The following ARHGAP26 variants were observed in gnomAD, a reference collection of about 807,000 sequenced individuals.
ARHGAP26 encodes Rho GTPase activating protein 26.
ARHGAP26 carries 38 observed loss-of-function variants against 104.8 expected under a neutral mutation model. That is an observed-to-expected ratio of 0.36 (90% CI 0.28 to 0.48). The LOEUF (loss-of-function observed/expected upper bound fraction) is 0.48, where lower values mean the gene tolerates loss of function less well. ARHGAP26 is among the 20% of genes least tolerant of loss of function. The probability of loss-of-function intolerance (pLI) is 0.99; values close to 1 mark genes in which losing one functional copy is unlikely to be tolerated. For synonymous variants in ARHGAP26, 341 were observed against 340.0 expected, an observed-to-expected ratio of 1.00 and a Z score of -0.03; for missense variants, 704 against 947.9, an observed-to-expected ratio of 0.74 and a Z score of 3.38.
rs1777046829 is a variant in ARHGAP26 at position 143,000,537 on chromosome 5, TTATAAATCA to T, written c.1108-13532_1108-13524del. Among the ~76,000 whole-genome samples the T allele has an allele frequency of 4.6e-5, 7 of 152,358 alleles. No individual in the cohort carries two copies. In the South Asian group the frequency reaches 1.4e-3, roughly 32 times the overall value. On this transcript the variant is annotated intron_variant, in intron 11 of 22. Transcript: ENST00000645722. ...CATTACTGGGTATATACCAAAAGGATTATAAATCATATAAATCATTCTATAAAGACACAT... is the reference window on the plus strand; with the variant it reads ...CATTACTGGGTATATACCAAAAGGATTATAAATCATTCTATAAAGACACAT...
At chr5:142,831,158 C>G (rs1295041298) in intron 1 of ARHGAP26, among the ~76,000 whole-genome samples, 1 of 152,192 alleles carries the variant, frequency 6.6e-6, no homozygotes, top group East Asian at 1.9e-4. Flanking sequence ...TTTGCTGTCT[C>G]CACCCTGTTG....
chr5:143,116,431 C>T (rs193185285), intron 17 of ARHGAP26, among the ~76,000 whole-genome samples: 2 of 152,268 alleles, frequency 1.3e-5, no homozygotes, highest in East Asian at 3.9e-4. Flanking sequence ...CTCTAGGCCT[C>T]AAGATGAAAC....
In ARHGAP26 at chr5:142,847,599, C is replaced by T. The variant is rs537416313; in HGVS notation, c.155-25801C>T. On this transcript the variant is annotated intron_variant, in intron 1 of 22. Coordinates refer to ENST00000645722, the MANE Select transcript of ARHGAP26 (RefSeq NM_001135608.3). ...CTCAAACTCCGGACCTCAGGTGATC[C>T]GCCCACCTCGGCCTCCCAAAGTGCT... Among the ~76,000 whole-genome samples the T allele has an allele frequency of 2.5e-4, 38 of 152,278 alleles. No individual in the cohort carries two copies. The East Asian group carries it at 5.2e-3, about 21-fold the overall frequency.
At chr5:142,869,915 A>G (rs1755026063) in intron 1 of ARHGAP26, among the ~76,000 whole-genome samples, 1 of 152,152 alleles carries the variant, frequency 6.6e-6, no homozygotes, top group Non-Finnish European at 1.5e-5. Context: ...CCAAACTTCT[A>G]GCTGCTTCCA....
intron 1 of ARHGAP26, among the ~76,000 whole-genome samples, chr5:142,837,509 A>G (rs1347739277): frequency 6.6e-6 from 1 of 152,130 alleles, no homozygotes; most frequent in Non-Finnish European, 1.5e-5. Flanking sequence ...CTTGGCGATG[A>G]TAAGAAGGCC....
At position 143,223,544 on chromosome 5, in the gene ARHGAP26, C is replaced by T. The variant is rs1811433881; in HGVS notation, c.*1098C>T. On this transcript the variant is annotated 3_prime_UTR_variant, in exon 23 of 23. Transcript: ENST00000645722. ...GTCCTCCCATTCACCCATCTCTGCT[C>T]CCACCCTTGCCTGCCTCTAACCCAC... 8.6e-6 allele frequency: 2 copies of T among 232,394 alleles called. No individual in the cohort carries two copies. Among genetic ancestry groups the T allele is most frequent in the East Asian group, 1.2e-4 (2 of 16,420 alleles). The allele number at this position is 232,394 out of a possible 1,614,324, so 14.4% of individuals were successfully genotyped here. A position where few individuals can be genotyped will look rare whatever the true frequency, so the allele number is the denominator to read the frequency against.
At chr5:142,815,519 T>C (rs1764933802) in intron 1 of ARHGAP26, among the ~76,000 whole-genome samples, 1 of 152,246 alleles carries the variant, frequency 6.6e-6, no homozygotes, top group African/African-American at 2.4e-5. Context: ...TTAGTTTTAT[T>C]GGTTAAAAAA....
intron 1 of ARHGAP26, among the ~76,000 whole-genome samples, chr5:142,791,737 G>T (rs1759860525): frequency 6.6e-6 from 1 of 152,066 alleles, no homozygotes; most frequent in South Asian, 2.1e-4. Flanking sequence ...GCCAAGGCGG[G>T]TGGATCACCT....
chr5:143,100,928 T>TA (rs375857719), intron 17 of ARHGAP26, among the ~76,000 whole-genome samples: 36 of 152,234 alleles, frequency 2.4e-4, no homozygotes, highest in African/African-American at 8.4e-4. Flanking sequence ...CTGTCTCTAC[T>TA]AAAAAAATTG....
intron 11 of ARHGAP26, among the ~76,000 whole-genome samples, chr5:142,963,194 A>ATATATATATATT (rs1770667612): frequency 9.7e-6 from 1 of 102,688 alleles, no homozygotes; most frequent in Admixed American, 9.0e-5. Context: ...ATATATATAT[A>ATATATATATATT]TATATGTGTG....
At chr5:143,014,055 G>C in intron 11 of ARHGAP26, 25 bp from the exon 12 acceptor site, 4 of 1,613,378 alleles carry the variant, frequency 2.5e-6, no homozygotes, top group Non-Finnish European at 3.4e-6. Flanking sequence ...ATGCACATAA[G>C]TGAATTTTTA....
chr5:142,937,216 A>G (rs1352859346), intron 11 of ARHGAP26, among the ~76,000 whole-genome samples: 3 of 152,216 alleles, frequency 2.0e-5, no homozygotes. Context: ...TAACAGCTAA[A>G]GAGAAACAGT....
In ARHGAP26 at chr5:143,223,661, A is replaced by G. The variant is rs1811439981; in HGVS notation, c.*1215A>G. 1 of 231,214 alleles carries G rather than the reference A, an allele frequency of 4.3e-6. No homozygotes were observed. Among genetic ancestry groups the G allele is most frequent in the East Asian group, 6.1e-5 (1 of 16,262 alleles). 14.3% of individuals were successfully genotyped at this position (231,214 alleles called of 1,614,324 possible). ...AATTCCTAGGCTAACCGTATGGCCTATAGTTTAAAAGCACATCTATGTTCA... is the reference window on the plus strand; with the variant it reads ...AATTCCTAGGCTAACCGTATGGCCTGTAGTTTAAAAGCACATCTATGTTCA... On this transcript the variant is annotated 3_prime_UTR_variant, in exon 23 of 23. Transcript: ENST00000645722.
At chr5:143,137,252 T>C (rs1018606149) in intron 19 of ARHGAP26, among the ~76,000 whole-genome samples, 31 of 152,252 alleles carry the variant, frequency 2.0e-4, no homozygotes, top group African/African-American at 7.5e-4. Context: ...TATCACTGTT[T>C]GGAATCCACA....
At chr5:142,812,017 G>C (rs1172142473) in intron 1 of ARHGAP26, among the ~76,000 whole-genome samples, 3 of 152,142 alleles carry the variant, frequency 2.0e-5, no homozygotes, top group Non-Finnish European at 4.4e-5. Context: ...TCACCTAGCT[G>C]CTGTGATGAG....
chr5:142,858,708 G>A (rs574760424), intron 1 of ARHGAP26, among the ~76,000 whole-genome samples: 7 of 152,240 alleles, frequency 4.6e-5, no homozygotes, highest in African/African-American at 1.4e-4. Context: ...TAATGTCATC[G>A]GAGCTGTTCA....
At chr5:143,176,824 T>A (rs1364775434) in intron 20 of ARHGAP26, among the ~76,000 whole-genome samples, 1 of 152,214 alleles carries the variant, frequency 6.6e-6, no homozygotes, top group Non-Finnish European at 1.5e-5. Context: ...GGGTGTCTGA[T>A]TTTCATCGTT....
intron 1 of ARHGAP26, among the ~76,000 whole-genome samples, chr5:142,839,899 G>A (rs1385992413): frequency 2.0e-5 from 3 of 149,648 alleles, no homozygotes; most frequent in Non-Finnish European, 4.5e-5. Context: ...AGAGAGGAGG[G>A]GAGGGGAGGG....
At chr5:143,062,921 C>T (rs531510501) in intron 17 of ARHGAP26, among the ~76,000 whole-genome samples, 1 of 152,096 alleles carries the variant, frequency 6.6e-6, no homozygotes, top group Non-Finnish European at 1.5e-5. Flanking sequence ...ATAAAATAGC[C>T]GTAGAATTTT....
Sources: gnomAD v4.1 joint callset for allele counts (sites outside exome capture counted in the v4.1 genomes callset) on GRCh38, gnomAD v4.1.1 for gene constraint, MANE v1.5 for transcripts, NCBI Gene and HGNC (gene_info 2026-07-23, HGNC 2026-07-21) for gene names.